LRRC4C: variants seen among roughly 807,000 people sequenced by gnomAD.
The protein encoded by LRRC4C is leucine rich repeat containing 4C, also known as leucine-rich repeat-containing protein 4C.
A neutral mutation model predicts 33.6 loss-of-function variants in LRRC4C; 5 were observed. That is an observed-to-expected ratio of 0.15 (90% CI 0.08 to 0.31). The LOEUF (loss-of-function observed/expected upper bound fraction) is 0.31. LRRC4C is among the 10% of genes least tolerant of loss of function. The probability of loss-of-function intolerance (pLI) is 1.00; values close to 1 mark genes in which losing one functional copy is unlikely to be tolerated. For missense variants in LRRC4C, 560 were observed against 796.7 expected, an observed-to-expected ratio of 0.70 and a Z score of 3.58; for synonymous variants, 329 against 302.0, an observed-to-expected ratio of 1.09 and a Z score of -0.93.
At chr11:40,355,957 TAGTATAGTATAGTATAGTAC>T (rs946003475) in intron 3 of LRRC4C, among the ~76,000 whole-genome samples, 17 of 101,944 alleles carry the variant, frequency 1.7e-4, no homozygotes, top group East Asian at 2.6e-4. Context: ...TAGTATTGTA[TAGTATAGTATAGTATAGTAC>T]AGTATAGTAT....
chr11:41,441,722 A>G (rs1425333072), intron 1 of LRRC4C, among the ~76,000 whole-genome samples: 1 of 152,032 alleles, frequency 6.6e-6, no homozygotes, highest in Non-Finnish European at 1.5e-5. Flanking sequence ...ATTATCTGGC[A>G]ACAAAGAAAT....
At chr11:40,558,939 T>C (rs1178077423) in intron 3 of LRRC4C, among the ~76,000 whole-genome samples, 2 of 152,176 alleles carry the variant, frequency 1.3e-5, no homozygotes, top group Non-Finnish European at 2.9e-5. Context: ...CTCCGACTTG[T>C]AAGTGAGAAC....
intron 1 of LRRC4C, among the ~76,000 whole-genome samples, chr11:41,284,241 G>A (rs1025949947): frequency 1.3e-5 from 2 of 152,078 alleles, no homozygotes; most frequent in Non-Finnish European, 2.9e-5. Context: ...AAACAATCAC[G>A]AATATAAAAA....
chr11:41,403,471 C>T (rs1223408447), intron 1 of LRRC4C, among the ~76,000 whole-genome samples: 1 of 151,998 alleles, frequency 6.6e-6, no homozygotes. Context: ...ATGCTTAAAT[C>T]ACAGGACAAA....
At chr11:41,214,781 ATATATATATGTGTG>A (rs1420952495) in intron 1 of LRRC4C, among the ~76,000 whole-genome samples, 1 of 141,276 alleles carries the variant, frequency 7.1e-6, no homozygotes, top group Non-Finnish European at 1.5e-5. Context: ...ATATACACAC[ATATATATATGTGTG>A]TATATATATG....
At chr11:40,327,737 G>A (rs1342862114) in intron 3 of LRRC4C, among the ~76,000 whole-genome samples, 1 of 151,810 alleles carries the variant, frequency 6.6e-6, no homozygotes, top group Admixed American at 6.6e-5. Flanking sequence ...AAAATTTTTA[G>A]TCTATTAAAC....
intron 5 of LRRC4C, among the ~76,000 whole-genome samples, chr11:40,184,945 T>C (rs1012472572): frequency 3.9e-5 from 6 of 152,214 alleles, no homozygotes; most frequent in African/African-American, 1.2e-4. Context: ...CCAGGAGAGA[T>C]TGTTTCACAC....
chr11:41,191,148 C>G (rs965033334), intron 1 of LRRC4C, among the ~76,000 whole-genome samples: 2 of 152,084 alleles, frequency 1.3e-5, no homozygotes, highest in African/African-American at 4.8e-5. Context: ...AAGAATATTG[C>G]TTTGCATTTG....
intron 1 of LRRC4C, among the ~76,000 whole-genome samples, chr11:41,225,195 A>G (rs1451259015): frequency 6.6e-6 from 1 of 152,130 alleles, no homozygotes; most frequent in East Asian, 1.9e-4. Context: ...TGGGTACAAA[A>G]AATTAGAATG....
intron 2 of LRRC4C, among the ~76,000 whole-genome samples, chr11:40,670,917 C>A (rs551885749): frequency 1.3e-5 from 2 of 152,164 alleles, no homozygotes; most frequent in African/African-American, 4.8e-5. Flanking sequence ...GTGCCCGCCA[C>A]CACGCCCTGC....
intron 3 of LRRC4C, among the ~76,000 whole-genome samples, chr11:40,499,136 T>G (rs368256495): frequency 1.1e-4 from 16 of 152,286 alleles, no homozygotes; most frequent in African/African-American, 3.8e-4. Flanking sequence ...GCCTCCCTGC[T>G]GGAGAGAGGA....
At chr11:40,238,003 T>C (rs1461853153) in intron 5 of LRRC4C, among the ~76,000 whole-genome samples, 2 of 152,210 alleles carry the variant, frequency 1.3e-5, no homozygotes, top group African/African-American at 4.8e-5. Flanking sequence ...GGATTTGAAT[T>C]AATTCGGATA....
At chr11:40,233,774 T>C (rs1212260197) in intron 5 of LRRC4C, among the ~76,000 whole-genome samples, 1 of 152,178 alleles carries the variant, frequency 6.6e-6, no homozygotes, top group East Asian at 1.9e-4. Context: ...GTGATTTTCA[T>C]TACTTTAATT....
intron 2 of LRRC4C, among the ~76,000 whole-genome samples, chr11:40,774,806 A>C (rs1196981827): frequency 1.3e-5 from 2 of 152,112 alleles, no homozygotes; most frequent in Non-Finnish European, 2.9e-5. Flanking sequence ...GAAATGATGC[A>C]TTTTGAGGGC....
At chr11:40,172,704 A>T (rs1860147637) in intron 5 of LRRC4C, among the ~76,000 whole-genome samples, 1 of 151,992 alleles carries the variant, frequency 6.6e-6, no homozygotes, top group South Asian at 2.1e-4. Context: ...GTAAAGGGGC[A>T]GAGGGACCTT....
chr11:40,343,386 G>A (rs1194311999), intron 3 of LRRC4C, among the ~76,000 whole-genome samples: 3 of 151,924 alleles, frequency 2.0e-5, no homozygotes, highest in Non-Finnish European at 4.4e-5. Flanking sequence ...TGATTTAGTG[G>A]TAAATATGCA....
chr11:40,493,882 T>A (rs1954290030), intron 3 of LRRC4C, among the ~76,000 whole-genome samples: 1 of 152,152 alleles, frequency 6.6e-6, no homozygotes, highest in African/African-American at 2.4e-5. Context: ...CTGTTCTCCA[T>A]CCTACTCTAA....
chr11:40,934,248 C>T (rs2136496727), intron 1 of LRRC4C, among the ~76,000 whole-genome samples: 1 of 152,222 alleles, frequency 6.6e-6, no homozygotes, highest in South Asian at 2.1e-4. Flanking sequence ...ATGACCTTTT[C>T]CCTCTGAAGT....
At chr11:41,084,737 T>C (rs1939831689) in intron 1 of LRRC4C, among the ~76,000 whole-genome samples, 1 of 152,080 alleles carries the variant, frequency 6.6e-6, no homozygotes, top group Non-Finnish European at 1.5e-5. Context: ...TAAACCCAGC[T>C]ACTCAAGAGG....
Sources: allele counts gnomAD v4.1 joint callset (sites outside exome capture counted in the v4.1 genomes callset), GRCh38; gene constraint gnomAD v4.1.1; transcripts MANE v1.5; gene names NCBI Gene and HGNC (gene_info 2026-07-23, HGNC 2026-07-21).